The following NCAM2 variants were observed in gnomAD, a reference collection of about 807,000 sequenced individuals.
The protein encoded by NCAM2 is N-CAM-2.
A neutral mutation model predicts 98.1 loss-of-function variants in NCAM2; 30 were observed. That is an observed-to-expected ratio of 0.31 (90% CI 0.23 to 0.41). NCAM2 has a LOEUF of 0.41. Ranked by LOEUF, NCAM2 falls within the 10% of genes least tolerant of loss-of-function variation. The probability of loss-of-function intolerance (pLI) is 1.00; values close to 1 mark genes in which losing one functional copy is unlikely to be tolerated. For synonymous variants in NCAM2, 368 were observed against 342.4 expected, an observed-to-expected ratio of 1.07 and a Z score of -0.83; for missense variants, 867 against 1,005.8, an observed-to-expected ratio of 0.86 and a Z score of 1.87.
At chr21:21,147,309 A>G (rs2146682959) in intron 1 of NCAM2, 1 of 878,510 alleles carries the variant, frequency 1.1e-6, no homozygotes, top group Non-Finnish European at 1.4e-6. Flanking sequence ...TAAAAAAAAG[A>G]CAATTTATTT....
chr21:21,262,403 A>C (rs1040367887), intron 1 of NCAM2, among the ~76,000 whole-genome samples: 1 of 152,156 alleles, frequency 6.6e-6, no homozygotes, highest in Non-Finnish European at 1.5e-5. Flanking sequence ...GAACACACAC[A>C]CACCAAAGAG....
At chr21:21,178,265 G>A (rs186404697) in intron 1 of NCAM2, among the ~76,000 whole-genome samples, 17 of 152,090 alleles carry the variant, frequency 1.1e-4, no homozygotes, top group South Asian at 6.3e-4. Flanking sequence ...GCTGAATTTC[G>A]TTGGTACTCT....
intron 1 of NCAM2, among the ~76,000 whole-genome samples, chr21:21,058,143 T>C (rs1163016325): frequency 8.2e-5 from 1 of 12,248 alleles, no homozygotes; most frequent in Non-Finnish European, 1.8e-4. Flanking sequence ...CTAAGTCTCT[T>C]CAAAAAAAAA....
intron 1 of NCAM2, among the ~76,000 whole-genome samples, chr21:21,172,706 C>T (rs1230810598): frequency 6.6e-6 from 1 of 152,080 alleles, no homozygotes; most frequent in Non-Finnish European, 1.5e-5. Context: ...GCAGGCGATT[C>T]ATTAATACTT....
At chr21:21,363,511 C>A (rs954989686) in intron 8 of NCAM2, among the ~76,000 whole-genome samples, 2 of 152,092 alleles carry the variant, frequency 1.3e-5, no homozygotes, top group Non-Finnish European at 2.9e-5. Context: ...TATATCTTAG[C>A]AAAGATACAT....
intron 5 of NCAM2, among the ~76,000 whole-genome samples, chr21:21,314,489 C>T (rs967808358): frequency 5.3e-5 from 8 of 151,960 alleles, no homozygotes; most frequent in African/African-American, 1.9e-4. Context: ...GGGTTCGATG[C>T]TGTTGGCCTA....
intron 1 of NCAM2, among the ~76,000 whole-genome samples, chr21:21,236,092 C>T (rs1024752380): frequency 2.0e-5 from 3 of 151,874 alleles, no homozygotes; most frequent in African/African-American, 7.3e-5. Context: ...CTCTCTTGGC[C>T]TTGTTTAGTG....
At chr21:21,238,258 A>G (rs1033167800) in intron 1 of NCAM2, among the ~76,000 whole-genome samples, 2 of 152,148 alleles carry the variant, frequency 1.3e-5, no homozygotes, top group African/African-American at 4.8e-5. Flanking sequence ...CGACCACCCA[A>G]AACAGTATTA....
At chr21:21,418,599 G>A (rs10470112) in intron 11 of NCAM2, 30 bp downstream of exon 11, 103,646 of 1,428,610 alleles carry the variant, frequency 0.073, 4,268 homozygotes, top group East Asian at 0.16. Flanking sequence ...TTTTGAGATC[G>A]CACACAATAT....
intron 1 of NCAM2, among the ~76,000 whole-genome samples, chr21:21,045,196 G>A (rs2146274715): frequency 6.6e-6 from 1 of 152,192 alleles, no homozygotes; most frequent in South Asian, 2.1e-4. Flanking sequence ...TCATAGTGGA[G>A]AAATTCAAGC....
intron 1 of NCAM2, among the ~76,000 whole-genome samples, chr21:21,182,109 CACTTAGTAATA>C (rs2068496240): frequency 6.6e-6 from 1 of 151,596 alleles, no homozygotes; most frequent in Non-Finnish European, 1.5e-5. Context: ...ACATAGTAGT[CACTTAGTAATA>C]ATTTTGAACA....
chr21:21,040,982 C>G (rs1294893564), intron 1 of NCAM2, among the ~76,000 whole-genome samples: 1 of 151,944 alleles, frequency 6.6e-6, no homozygotes, highest in Non-Finnish European at 1.5e-5. Flanking sequence ...TGCAAATAAC[C>G]CTTATTTCAT....
intron 12 of NCAM2, among the ~76,000 whole-genome samples, chr21:21,434,660 C>A (rs575420880): frequency 6.6e-6 from 1 of 152,220 alleles, no homozygotes; most frequent in African/African-American, 2.4e-5. Flanking sequence ...GATATATTAT[C>A]ATCTTCCAGT....
chr21:21,471,902 G>A (rs1330403870), intron 14 of NCAM2, among the ~76,000 whole-genome samples: 1 of 151,998 alleles, frequency 6.6e-6, no homozygotes, highest in East Asian at 1.9e-4. Context: ...AGCAGAATGA[G>A]ATATTTCTGT....
intron 1 of NCAM2, among the ~76,000 whole-genome samples, chr21:21,071,144 A>G (rs1180393113): frequency 6.6e-6 from 1 of 152,206 alleles, no homozygotes; most frequent in Non-Finnish European, 1.5e-5. Context: ...CGAAAAACTG[A>G]TATACTAATT....
intron 8 of NCAM2, among the ~76,000 whole-genome samples, chr21:21,351,719 C>G (rs2075344944): frequency 6.6e-6 from 1 of 151,850 alleles, no homozygotes; most frequent in African/African-American, 2.4e-5. Context: ...CATCTCTCAT[C>G]TATTTGTTCA....
At chr21:21,393,580 T>C (rs1182473037) in intron 9 of NCAM2, among the ~76,000 whole-genome samples, 3 of 152,150 alleles carry the variant, frequency 2.0e-5, no homozygotes, top group Non-Finnish European at 4.4e-5. Context: ...AAGATTTTAA[T>C]TTTATTTGGA....
At position 21,299,056 on chromosome 21, in the gene NCAM2, C is replaced by T. The variant is rs1033211392; in HGVS notation, c.619+6815C>T. On this transcript the variant is annotated intron_variant, in intron 5 of 17. Coordinates refer to ENST00000400546, the MANE Select transcript of NCAM2 (RefSeq NM_004540.5). ...AATCTATAGGGATCACAAGATACTG[C>T]AATAATGCAAATTTTTATCATTTCA... is the stretch of plus-strand genomic sequence containing the variant. 2.6e-5 allele frequency among the ~76,000 whole-genome samples: 4 copies of T among 151,366 alleles called. No homozygotes were observed. In the South Asian group the frequency reaches 8.3e-4, roughly 31 times the overall value.
chr21:21,076,862 A>G (rs1240197783), intron 1 of NCAM2, among the ~76,000 whole-genome samples: 1 of 152,186 alleles, frequency 6.6e-6, no homozygotes, highest in Non-Finnish European at 1.5e-5. Context: ...TTCTTCTTTC[A>G]TTGAACCAGG....
Sources: gnomAD v4.1 joint callset for allele counts (sites outside exome capture counted in the v4.1 genomes callset) on GRCh38, gnomAD v4.1.1 for gene constraint, MANE v1.5 for transcripts, NCBI Gene and HGNC (gene_info 2026-07-23, HGNC 2026-07-21) for gene names.